TRIM44: variants seen among roughly 807,000 people sequenced by gnomAD.
TRIM44 encodes the protein tripartite motif-containing protein 44.
Under a neutral mutation model 37.4 loss-of-function variants are expected in TRIM44, and 13 were observed. That is an observed-to-expected ratio of 0.35 (90% CI 0.23 to 0.55). TRIM44 has a LOEUF of 0.55. TRIM44 is among the 20% of genes least tolerant of loss of function. TRIM44 has a pLI of 0.89. For synonymous variants in TRIM44, 175 were observed against 157.2 expected (o/e 1.11, Z -0.85); for missense variants, 426 against 437.2 (o/e 0.97, Z 0.23).
At chr11:35,759,598 T>C (rs1024684334) in intron 4 of TRIM44, among the ~76,000 whole-genome samples, 2 of 152,220 alleles carry the variant, frequency 1.3e-5, no homozygotes, top group African/African-American at 4.8e-5. Flanking sequence ...GTTTCCAGTT[T>C]TTCTGCTCTG....
chr11:35,729,454 G>A (rs553077635), intron 3 of TRIM44, among the ~76,000 whole-genome samples: 4 of 152,172 alleles, frequency 2.6e-5, no homozygotes, highest in Admixed American at 6.5e-5. Flanking sequence ...GTAATAGTAC[G>A]GAGGAAGTAG....
chr11:35,726,781 A>G (rs1852180926), intron 3 of TRIM44, among the ~76,000 whole-genome samples: 1 of 152,140 alleles, frequency 6.6e-6, no homozygotes, highest in Non-Finnish European at 1.5e-5. Flanking sequence ...TAACGGGAAT[A>G]AAAGGGTCTT....
At chr11:35,692,479 T>TAGTTGAGCTTCCC (rs1851648520) in intron 2 of TRIM44, among the ~76,000 whole-genome samples, 1 of 152,192 alleles carries the variant, frequency 6.6e-6, no homozygotes, top group Non-Finnish European at 1.5e-5. Context: ...TGTGTTATGC[T>TAGTTGAGCTTCCC]AGTTGAGCTT....
intron 2 of TRIM44, among the ~76,000 whole-genome samples, chr11:35,723,511 A>G (rs1852133956): frequency 1.3e-5 from 2 of 152,196 alleles, no homozygotes; most frequent in Non-Finnish European, 2.9e-5. Context: ...AAAGGCATAA[A>G]GGTTTTGTAA....
intron 1 of TRIM44, among the ~76,000 whole-genome samples, chr11:35,664,813 A>G (rs1851313713): frequency 6.6e-6 from 1 of 152,216 alleles, no homozygotes; most frequent in South Asian, 2.1e-4. Flanking sequence ...ATTACTAGCA[A>G]TATTGAAGCC....
intron 4 of TRIM44, among the ~76,000 whole-genome samples, chr11:35,764,281 AG>A (rs1852764751): frequency 6.6e-6 from 1 of 152,232 alleles, no homozygotes; most frequent in African/African-American, 2.4e-5. Flanking sequence ...TAGTTCAGGC[AG>A]GGTGGGCCTT....
intron 2 of TRIM44, among the ~76,000 whole-genome samples, chr11:35,725,693 C>T (rs1394173624): frequency 6.6e-6 from 1 of 151,018 alleles, no homozygotes; most frequent in Non-Finnish European, 1.5e-5. Context: ...TGAACAAAAC[C>T]GAAAGGAAAA....
intron 4 of TRIM44, among the ~76,000 whole-genome samples, chr11:35,780,478 C>T (rs1482202511): frequency 6.6e-6 from 1 of 152,142 alleles, no homozygotes; most frequent in Non-Finnish European, 1.5e-5. Flanking sequence ...GCATTGGCCA[C>T]TTTCTTAGGG....
chr11:35,739,639 A>AAAAAGGG (rs1406672081), intron 4 of TRIM44, among the ~76,000 whole-genome samples: 2 of 152,116 alleles, frequency 1.3e-5, no homozygotes, highest in Non-Finnish European at 1.5e-5. Context: ...GGGTTAGCAG[A>AAAAAGGG]AAAAGGGGTG....
intron 2 of TRIM44, among the ~76,000 whole-genome samples, chr11:35,723,972 C>G (rs1003462240): frequency 6.6e-6 from 1 of 152,100 alleles, no homozygotes; most frequent in Non-Finnish European, 1.5e-5. Context: ...TATATAAACA[C>G]AAATCACAGT....
chr11:35,662,886 A>C lies in TRIM44; in HGVS notation c.-226A>C. 3.3e-6 allele frequency: 2 copies of C among 599,664 alleles called. No homozygotes were observed. Among genetic ancestry groups the C allele is most frequent in the Non-Finnish European group, 2.4e-6 (1 of 421,896 alleles). 37.1% of individuals were successfully genotyped at this position (599,664 alleles called of 1,614,324 possible). On this transcript the variant is annotated 5_prime_UTR_variant, in exon 1 of 5. Coordinates refer to ENST00000299413, the MANE Select transcript of TRIM44 (RefSeq NM_017583.6). ...CGGAAGTGCCTTGCGCGGCAGAGGA[A>C]GCGCAGGGACAGAGCGGAGCAGGCC...
intron 4 of TRIM44, among the ~76,000 whole-genome samples, chr11:35,796,701 G>T (rs543212541): frequency 2.6e-5 from 4 of 152,228 alleles, no homozygotes; most frequent in South Asian, 2.1e-4. Context: ...CAGCAGCACT[G>T]GGGGGAGGAA....
At chr11:35,743,292 C>G (rs1359991934) in intron 4 of TRIM44, among the ~76,000 whole-genome samples, 1 of 152,062 alleles carries the variant, frequency 6.6e-6, no homozygotes, top group Non-Finnish European at 1.5e-5. Context: ...TGTTGAGGCA[C>G]CAGAAGTTGT....
intron 2 of TRIM44, among the ~76,000 whole-genome samples, chr11:35,687,401 T>C (rs1851594931): frequency 6.6e-6 from 1 of 152,222 alleles, no homozygotes; most frequent in South Asian, 2.1e-4. Context: ...CTTTATCAAC[T>C]TTCCTAGCTC....
intron 4 of TRIM44, among the ~76,000 whole-genome samples, chr11:35,740,775 C>T (rs897056615): frequency 4.6e-5 from 7 of 152,200 alleles, no homozygotes; most frequent in African/African-American, 1.7e-4. Flanking sequence ...TCACTCTTTC[C>T]TCCACCTAGT....
chr11:35,681,237 AT>A (rs2135488600), intron 1 of TRIM44, among the ~76,000 whole-genome samples: 1 of 152,156 alleles, frequency 6.6e-6, no homozygotes, highest in African/African-American at 2.4e-5. Context: ...TTCACCAGCC[AT>A]TTTTTTCAGC....
At chr11:35,666,491 C>T (rs1019456945) in intron 1 of TRIM44, among the ~76,000 whole-genome samples, 1 of 152,144 alleles carries the variant, frequency 6.6e-6, no homozygotes, top group South Asian at 2.1e-4. Context: ...TCTTCTGATT[C>T]ATTAATTTAG....
At chr11:35,761,000 A>G (rs1285874918) in intron 4 of TRIM44, among the ~76,000 whole-genome samples, 1 of 152,128 alleles carries the variant, frequency 6.6e-6, no homozygotes, top group African/African-American at 2.4e-5. Context: ...CTACTTCTGT[A>G]AGATCAACTT....
At chr11:35,774,899 C>T (rs554921493) in intron 4 of TRIM44, among the ~76,000 whole-genome samples, 78 of 152,216 alleles carry the variant, frequency 5.1e-4, no homozygotes, top group African/African-American at 1.6e-3. Context: ...AGTCAGGTAG[C>T]GTGATGCCTC....
Sources: allele counts gnomAD v4.1 joint callset (sites outside exome capture counted in the v4.1 genomes callset), GRCh38; gene constraint gnomAD v4.1.1; transcripts MANE v1.5; gene names NCBI Gene and HGNC (gene_info 2026-07-23, HGNC 2026-07-21).